BRINP3: variants seen among roughly 807,000 people sequenced by gnomAD.
BRINP3 encodes the protein BMP/retinoic acid-inducible neural-specific protein 3.
Under a neutral mutation model 71.0 loss-of-function variants are expected in BRINP3, and 19 were observed. That is an observed-to-expected ratio of 0.27 (90% CI 0.19 to 0.39). The LOEUF is 0.39. BRINP3 is among the 10% of genes least tolerant of loss of function. The pLI is 1.00. For synonymous variants in BRINP3, 380 were observed against 337.7 expected (o/e 1.13, Z -1.37); for missense variants, 959 against 940.8 (o/e 1.02, Z -0.25).
chr1:190,268,965 G>C (rs1661879560), intron 3 of BRINP3, among the ~76,000 whole-genome samples: 2 of 151,978 alleles, frequency 1.3e-5, no homozygotes, highest in African/African-American at 4.8e-5. Flanking sequence ...CCTGGAAGTA[G>C]GAAAATTAGT....
chr1:190,325,554 T>C (rs755426615), intron 2 of BRINP3, among the ~76,000 whole-genome samples: 1 of 152,020 alleles, frequency 6.6e-6, no homozygotes, highest in Non-Finnish European at 1.5e-5. Flanking sequence ...AATGTACTTG[T>C]AAGTGATAGC....
chr1:190,126,114 T>C (rs1291727848), intron 7 of BRINP3, among the ~76,000 whole-genome samples: 1 of 152,024 alleles, frequency 6.6e-6, no homozygotes, highest in Non-Finnish European at 1.5e-5. Context: ...GGAATTTAGA[T>C]GTTTCCATTC....
chr1:190,227,836 T>C (rs1011142976), intron 5 of BRINP3, among the ~76,000 whole-genome samples: 2 of 151,920 alleles, frequency 1.3e-5, no homozygotes, highest in African/African-American at 4.8e-5. Context: ...CTTACACACA[T>C]AAATGAGGAG....
At chr1:190,113,833 G>T (rs1220889150) in intron 7 of BRINP3, among the ~76,000 whole-genome samples, 1 of 152,136 alleles carries the variant, frequency 6.6e-6, no homozygotes, top group Non-Finnish European at 1.5e-5. Context: ...AAAGCTGTGT[G>T]ATTTGAGGAC....
In BRINP3 at chr1:190,384,008, G is replaced by A. The variant is rs140786134; in HGVS notation, c.236+70647C>T. The stretch of plus-strand genomic sequence containing the variant: ...GATGAAAACATTGAGACACAGAGAA[G>A]TTAAGTAACATCATAAAACACACAT... On this transcript the variant is annotated intron_variant, in intron 2 of 7. Coordinates refer to ENST00000367462, the MANE Select transcript of BRINP3 (RefSeq NM_199051.3). 9.9e-3 allele frequency among the ~76,000 whole-genome samples: 1,496 copies of A among 151,844 alleles called. 24 individuals carry two copies. The highest frequency in any genetic ancestry group is 0.034 in the African/African-American group (1,404 of 41,506).
At chr1:190,177,541 A>G (rs1186526427) in intron 6 of BRINP3, among the ~76,000 whole-genome samples, 1 of 151,928 alleles carries the variant, frequency 6.6e-6, no homozygotes, top group Non-Finnish European at 1.5e-5. Flanking sequence ...ACGTAGTGAT[A>G]ACAAATCTAA....
chr1:190,251,457 G>C (rs759190741), intron 4 of BRINP3, among the ~76,000 whole-genome samples: 1 of 151,888 alleles, frequency 6.6e-6, no homozygotes, highest in Non-Finnish European at 1.5e-5. Flanking sequence ...AATACGTAGT[G>C]ATATTGGGAC....
chr1:190,149,735 T>A (rs1047376780), intron 7 of BRINP3, among the ~76,000 whole-genome samples: 4 of 151,982 alleles, frequency 2.6e-5, no homozygotes, highest in Non-Finnish European at 5.9e-5. Context: ...TATGGCTAAC[T>A]TTCCTGCTTA....
chr1:190,179,279 G>A (rs1175902731), intron 6 of BRINP3, among the ~76,000 whole-genome samples: 1 of 152,118 alleles, frequency 6.6e-6, no homozygotes, highest in Non-Finnish European at 1.5e-5. Context: ...CACCTTGCCA[G>A]GGGTGAGAAA....
chr1:190,309,551 C>G (rs998376838), intron 2 of BRINP3, among the ~76,000 whole-genome samples: 5 of 151,668 alleles, frequency 3.3e-5, no homozygotes, highest in African/African-American at 9.7e-5. Flanking sequence ...ATAGTTCCAA[C>G]AAAAATAATT....
chr1:190,127,842 T>A (rs1203040058), intron 7 of BRINP3, among the ~76,000 whole-genome samples: 1 of 151,810 alleles, frequency 6.6e-6, no homozygotes, highest in East Asian at 1.9e-4. Context: ...GAGTGAATGA[T>A]GAACTTTTTT....
chr1:190,276,781 T>G lies in BRINP3; in HGVS notation c.427+4779A>C, dbSNP rs577545197. Among the ~76,000 whole-genome samples the G allele has an allele frequency of 1.6e-3, 243 of 151,498 alleles. 1 individual carries two copies. Among genetic ancestry groups the G allele is most frequent in the Admixed American group, 0.01 (155 of 15,084 alleles). On this transcript the variant is annotated intron_variant, in intron 3 of 7. Transcript: ENST00000367462. ...TTTTATTCCAACAATGAAGAGAATT[T>G]TTTTTGTATTGAAACAAAATTAAAT... is the stretch of plus-strand genomic sequence containing the variant.
At chr1:190,202,039 C>G (rs1029658561) in intron 6 of BRINP3, among the ~76,000 whole-genome samples, 1 of 152,162 alleles carries the variant, frequency 6.6e-6, no homozygotes, top group African/African-American at 2.4e-5. Flanking sequence ...ATGGTACATC[C>G]ACTGACAGCT....
chr1:190,301,544 C>A (rs1003910790), intron 2 of BRINP3, among the ~76,000 whole-genome samples: 1 of 151,098 alleles, frequency 6.6e-6, no homozygotes, highest in African/African-American at 2.4e-5. Context: ...TCCTTCCTTC[C>A]AAACAATTTT....
At chr1:190,429,959 A>G (rs1396256955) in intron 2 of BRINP3, among the ~76,000 whole-genome samples, 2 of 152,136 alleles carry the variant, frequency 1.3e-5, no homozygotes, top group Non-Finnish European at 2.9e-5. Context: ...TACAGTCTCA[A>G]ACATATACTT....
chr1:190,320,806 T>C lies in BRINP3; in HGVS notation c.237-39056A>G, dbSNP rs559085842. Among the ~76,000 whole-genome samples, 7 of 152,190 alleles carry C rather than the reference T, an allele frequency of 4.6e-5. No individual in the cohort carries two copies. The East Asian group carries it at 1.2e-3, about 25-fold the overall frequency. ...TAAAACCCATGCAGATATGAGCATGTACATACATGCTCATGATATGAGAAC... is the reference window on the plus strand; with the variant it reads ...TAAAACCCATGCAGATATGAGCATGCACATACATGCTCATGATATGAGAAC... On this transcript the variant is annotated intron_variant, in intron 2 of 7. Coordinates refer to ENST00000367462, the MANE Select transcript of BRINP3 (RefSeq NM_199051.3).
intron 5 of BRINP3, among the ~76,000 whole-genome samples, chr1:190,229,528 T>G (rs1281988110): frequency 2.6e-5 from 4 of 151,386 alleles, no homozygotes; most frequent in Non-Finnish European, 5.9e-5. Context: ...TCCATTAGAG[T>G]TCTGCCCAGA....
At chr1:190,300,338 G>T (rs941937741) in intron 2 of BRINP3, among the ~76,000 whole-genome samples, 3 of 151,818 alleles carry the variant, frequency 2.0e-5, no homozygotes, top group South Asian at 2.1e-4. Flanking sequence ...CCAGTTGATC[G>T]CATCGGCTCC....
intron 2 of BRINP3, among the ~76,000 whole-genome samples, chr1:190,425,616 A>G (rs17377527): frequency 0.14 from 20,962 of 151,774 alleles, 1,567 homozygotes; most frequent in African/African-American, 0.15. Flanking sequence ...ATTGCATATT[A>G]TGGAAAAGAC....
Sources: gnomAD v4.1 joint callset for allele counts (sites outside exome capture counted in the v4.1 genomes callset) on GRCh38, gnomAD v4.1.1 for gene constraint, MANE v1.5 for transcripts, NCBI Gene and HGNC (gene_info 2026-07-23, HGNC 2026-07-21) for gene names.